AKAP13: variants seen among roughly 807,000 people sequenced by gnomAD.
The protein encoded by AKAP13 is A-kinase anchoring protein 13, also known as A-kinase anchor protein 13.
In AKAP13, 80 loss-of-function variants were observed where a neutral mutation model predicts 264.5. The ratio of observed to expected loss-of-function variants is 0.30; its 90% CI spans 0.25 to 0.36. AKAP13 has a LOEUF of 0.36. Ranked by LOEUF, AKAP13 falls within the 10% of genes least tolerant of loss-of-function variation. AKAP13 has a pLI of 1.00. For synonymous variants in AKAP13, 1,380 were observed against 1,250.2 expected, an observed-to-expected ratio of 1.10 and a Z score of -2.19; for missense variants, 3,712 against 3,435.2, an observed-to-expected ratio of 1.08 and a Z score of -2.01.
chr15:85,697,259 A>G (rs1413942205), intron 17 of AKAP13, among the ~76,000 whole-genome samples: 2 of 152,204 alleles, frequency 1.3e-5, no homozygotes, highest in Non-Finnish European at 2.9e-5. Context: ...GGGGATGTAC[A>G]AGCAAGAGAT....
chr15:85,385,319 T>TA (rs34493855), intron 1 of AKAP13, among the ~76,000 whole-genome samples: 38,878 of 152,172 alleles, frequency 0.26, 6,609 homozygotes, highest in Middle Eastern at 0.39. Flanking sequence ...TTGGACAGAG[T>TA]AAAATTAAAG....
At chr15:85,611,143 C>T (rs1377584153) in intron 8 of AKAP13, among the ~76,000 whole-genome samples, 1 of 152,230 alleles carries the variant, frequency 6.6e-6, no homozygotes, top group African/African-American at 2.4e-5. Context: ...GACGTTTTTA[C>T]AGCATTTCGC....
At chr15:85,448,402 G>A (rs1275032285) in intron 1 of AKAP13, among the ~76,000 whole-genome samples, 1 of 151,664 alleles carries the variant, frequency 6.6e-6, no homozygotes, top group African/African-American at 2.4e-5. Flanking sequence ...CCTTTTTTTC[G>A]TGATTGCTTT....
intron 5 of AKAP13, among the ~76,000 whole-genome samples, chr15:85,572,657 A>G (rs2078857920): frequency 6.6e-6 from 1 of 152,036 alleles, no homozygotes; most frequent in Non-Finnish European, 1.5e-5. Flanking sequence ...CCACTGTAGC[A>G]TTAAAAAAAA....
At chr15:85,521,203 A>C (rs564708256) in intron 2 of AKAP13, among the ~76,000 whole-genome samples, 2 of 152,384 alleles carry the variant, frequency 1.3e-5, no homozygotes, top group Admixed American at 1.3e-4. Flanking sequence ...ATGTAAGTTT[A>C]AAGAAGAGAG....
At chr15:85,496,343 C>T (rs892125072) in intron 2 of AKAP13, among the ~76,000 whole-genome samples, 2 of 152,200 alleles carry the variant, frequency 1.3e-5, no homozygotes, top group African/African-American at 4.8e-5. Flanking sequence ...TTTCAGCCTC[C>T]GTGAAGACTT....
At chr15:85,430,863 T>G (rs1168714695) in intron 1 of AKAP13, among the ~76,000 whole-genome samples, 4 of 152,218 alleles carry the variant, frequency 2.6e-5, no homozygotes, top group African/African-American at 9.6e-5. Context: ...TTTAAATACT[T>G]GTACTAGGTC....
chr15:85,464,216 T>C (rs1157175189), intron 1 of AKAP13, among the ~76,000 whole-genome samples: 1 of 152,240 alleles, frequency 6.6e-6, no homozygotes, highest in Non-Finnish European at 1.5e-5. Flanking sequence ...TCCCTGTCCC[T>C]GTTGTGCCTG....
At chr15:85,698,493 A>G (rs1426284457) in intron 17 of AKAP13, among the ~76,000 whole-genome samples, 1 of 148,958 alleles carries the variant, frequency 6.7e-6, no homozygotes, top group African/African-American at 2.5e-5. Flanking sequence ...GGAGAGAGAG[A>G]ATATAGGACA....
intron 30 of AKAP13, 149 bp downstream of exon 30, chr15:85,730,856 T>G: frequency 1.3e-6 from 1 of 743,434 alleles, no homozygotes; most frequent in Non-Finnish European, 2.1e-6. Context: ...AATTATCAGG[T>G]GAATATCCTT....
chr15:85,604,361 T>C (rs2151375650), intron 8 of AKAP13, among the ~76,000 whole-genome samples: 1 of 152,234 alleles, frequency 6.6e-6, no homozygotes, highest in South Asian at 2.1e-4. Context: ...AAAATGAGTA[T>C]TTAGGACTGA....
At chr15:85,695,398 C>T (rs1567199817) in intron 17 of AKAP13, among the ~76,000 whole-genome samples, 1 of 152,032 alleles carries the variant, frequency 6.6e-6, no homozygotes, top group Non-Finnish European at 1.5e-5. Context: ...AGTGAGACTC[C>T]ATCTCAAAAA....
intron 1 of AKAP13, among the ~76,000 whole-genome samples, chr15:85,405,334 A>G (rs1316663049): frequency 2.0e-5 from 3 of 152,224 alleles, no homozygotes; most frequent in South Asian, 4.1e-4. Context: ...TTTGGCTTCT[A>G]GCTCACTTTG....
At position 85,547,022 on chromosome 15, in the gene AKAP13, G is replaced by A. The variant is rs544607576; in HGVS notation, c.662+3067G>A. On this transcript the variant is annotated intron_variant, in intron 5 of 36. Coordinates refer to ENST00000394518, the MANE Select transcript of AKAP13 (RefSeq NM_007200.5). ...CTCCCAAAGTGCTGGGATTACAGGC[G>A]TGAGCCACCGCGCCCAGCCATGATG... 7.9e-5 allele frequency among the ~76,000 whole-genome samples: 12 copies of A among 152,304 alleles called. No individual in the cohort carries two copies. In the East Asian group the frequency reaches 2.1e-3, roughly 27 times the overall value.
At chr15:85,711,100 C>G (rs1056203422) in intron 19 of AKAP13, among the ~76,000 whole-genome samples, 1 of 152,096 alleles carries the variant, frequency 6.6e-6, no homozygotes, top group African/African-American at 2.4e-5. Flanking sequence ...ACTGCAACCT[C>G]CACCTCCCTG....
chr15:85,694,164 A>G (rs988986566), intron 17 of AKAP13, among the ~76,000 whole-genome samples: 2 of 152,238 alleles, frequency 1.3e-5, no homozygotes, highest in Admixed American at 6.5e-5. Flanking sequence ...TTACTTTGGT[A>G]TATGCTTCAG....
chr15:85,557,336 A>G (rs563719511), intron 5 of AKAP13, among the ~76,000 whole-genome samples: 162 of 152,330 alleles, frequency 1.1e-3, no homozygotes, highest in Non-Finnish European at 6.0e-4. Context: ...AAATGCTCTG[A>G]AAAACTGAAT....
intron 1 of AKAP13, chr15:85,415,187 C>A: frequency 7.8e-7 from 1 of 1,280,914 alleles, no homozygotes; most frequent in Non-Finnish European, 1.1e-6. Context: ...GCCACGCCGA[C>A]GCAGACCCCG....
chr15:85,555,333 A>T (rs1056384952), intron 5 of AKAP13: 4 of 872,144 alleles, frequency 4.6e-6, no homozygotes, highest in Non-Finnish European at 6.5e-6. Flanking sequence ...TCAGAAAAGG[A>T]ACTAGATGCT....
Sources: allele counts gnomAD v4.1 joint callset (sites outside exome capture counted in the v4.1 genomes callset), GRCh38; gene constraint gnomAD v4.1.1; transcripts MANE v1.5; gene names NCBI Gene and HGNC (gene_info 2026-07-23, HGNC 2026-07-21).